Variants in NPHS2 observed in about 807,000 individuals in gnomAD.
NPHS2 encodes podocin.
In NPHS2, 36 loss-of-function variants were observed where a neutral mutation model predicts 37.1. The observed-to-expected ratio is 0.97, with a 90% CI of 0.74 to 1.28. The LOEUF is 1.28. Ranked by LOEUF, NPHS2 falls within the 50% of genes most tolerant of loss-of-function variation. The pLI is 0.00. For missense variants in NPHS2, 447 were observed against 488.1 expected (o/e 0.92, Z 0.79); for synonymous variants, 196 against 189.3 (o/e 1.04, Z -0.29).
intron 1 of NPHS2, among the ~76,000 whole-genome samples, chr1:179,573,438 C>T (rs1225214864): frequency 2.0e-5 from 3 of 152,180 alleles, no homozygotes; most frequent in African/African-American, 7.2e-5. Context: ...TCCCAGTGCT[C>T]TTCAGGACAT....
rs375277563 is a variant in NPHS2 at position 179,551,161 on chromosome 1, G to T, written c.*12C>A. 3 of 1,613,530 alleles carry T rather than the reference G, an allele frequency of 1.9e-6. No homozygotes were observed. The highest frequency in any genetic ancestry group is 2.5e-6 in the Non-Finnish European group (3 of 1,179,960). On this transcript the variant is annotated 3_prime_UTR_variant, in exon 8 of 8. Transcript: ENST00000367615. The stretch of plus-strand genomic sequence containing the variant: ...GCAGGCCCCTTTACAGTCACATTAT[G>T]CCCCATCCTTCCTATAACATGGGAG...
At position 179,551,116 on chromosome 1, in the gene NPHS2, A is replaced by G; in HGVS notation, c.*57T>C. ...GGAATGAGGACAGAGTGTCTCCCTC[A>G]GGCATGTGACTTTTCTATGGCAGGC... On this transcript the variant is annotated 3_prime_UTR_variant, in exon 8 of 8. Coordinates refer to ENST00000367615, the MANE Select transcript of NPHS2 (RefSeq NM_014625.4). The G allele has an allele frequency of 6.2e-7, 1 of 1,606,472 alleles. No homozygotes were observed. Among genetic ancestry groups the G allele is most frequent in the East Asian group, 2.2e-5 (1 of 44,822 alleles).
chr1:179,566,412 G>C (rs1433192052), intron 1 of NPHS2, among the ~76,000 whole-genome samples: 2 of 139,906 alleles, frequency 1.4e-5, no homozygotes, highest in African/African-American at 5.5e-5. Context: ...TTTTGATGGG[G>C]TTGTTTTTTT....
chr1:179,558,533 G>A (rs1204798740), intron 4 of NPHS2, among the ~76,000 whole-genome samples: 1 of 152,248 alleles, frequency 6.6e-6, no homozygotes. Flanking sequence ...GAATAATGCT[G>A]TTATGAACAC....
chr1:179,575,693 G>T lies in NPHS2; in HGVS notation c.172C>A (p.Arg58=), dbSNP rs780396665. The T allele has an allele frequency of 6.3e-7, 1 of 1,588,418 alleles. No homozygotes were observed. The highest frequency in any genetic ancestry group is 1.7e-5 in the Admixed American group (1 of 57,674). ...TCCACCACCGTGGCGGCGGGCGCTC[G>T]GGGCTCCCCCGGGGTCCCCGCCCGT... ...SGRAGTPGEP[R]APAATVVDVD... is the part of the protein sequence containing the mutation. The change falls in exon 1 of 8, where the codon CGA becomes AGA. Residue 58 remains arginine (R), a synonymous_variant. Transcript: ENST00000367615.
chr1:179,571,930 C>T (rs1358356367), intron 1 of NPHS2, among the ~76,000 whole-genome samples: 1 of 152,126 alleles, frequency 6.6e-6, no homozygotes, highest in Non-Finnish European at 1.5e-5. Flanking sequence ...GGGAAAAGCA[C>T]AGTATTTGGG....
rs749236659 is a variant in NPHS2 at position 179,551,335 on chromosome 1, C to T, written c.990G>A (p.Leu330=). The T allele has an allele frequency of 3.1e-6, 5 of 1,614,114 alleles. No individual in the cohort carries two copies. The Admixed American group carries it at 8.3e-5, about 27-fold the overall frequency. The part of the protein sequence containing the change: ...QLRYLHTLQS[L]STEKPSTVVL... The stretch of plus-strand genomic sequence containing the variant: ...CCACAGTGGAAGGCTTCTCTGTGGA[C>T]AGAGACTGAAGGGTGTGGAGGTATC... The change falls in exon 8 of 8, where the codon CTG becomes CTA. Residue 330 remains leucine, a synonymous_variant. Transcript: ENST00000367615.
At chr1:179,552,731 G>T (rs1312439413) in intron 6 of NPHS2, 50 bp from the exon 7 acceptor site, 2 of 1,427,174 alleles carry the variant, frequency 1.4e-6, no homozygotes, top group East Asian at 2.3e-5. Flanking sequence ...TGATTTAGGG[G>T]CCAAAGCTTT....
At chr1:179,561,218 A>C in intron 3 of NPHS2, 71 bp downstream of exon 3, 1 of 1,064,782 alleles carries the variant, frequency 9.4e-7, no homozygotes, top group Non-Finnish European at 1.5e-6. Flanking sequence ...TCCATATTAC[A>C]AATCTGCATG....
intron 1 of NPHS2, among the ~76,000 whole-genome samples, chr1:179,565,416 GT>G (rs1674298038): frequency 6.6e-6 from 1 of 152,144 alleles, no homozygotes; most frequent in Non-Finnish European, 1.5e-5. Context: ...TCACGCCTCA[GT>G]TTCTTCACTA....
At chr1:179,573,243 TGAAGAA>T (rs1674629640) in intron 1 of NPHS2, among the ~76,000 whole-genome samples, 1 of 152,176 alleles carries the variant, frequency 6.6e-6, no homozygotes, top group Admixed American at 6.5e-5. Context: ...GCAGATCACT[TGAAGAA>T]GAGGACAGAG....
intron 7 of NPHS2, 35 bp from the exon 8 acceptor site, chr1:179,551,486 C>A: frequency 1.2e-6 from 2 of 1,611,552 alleles, no homozygotes; most frequent in South Asian, 2.2e-5. Flanking sequence ...AGTGATTGTT[C>A]TTCATTCCCT....
intron 1 of NPHS2, among the ~76,000 whole-genome samples, chr1:179,572,704 G>A (rs1020277163): frequency 1.3e-5 from 2 of 152,130 alleles, no homozygotes; most frequent in South Asian, 4.2e-4. Flanking sequence ...AGGACTAGAA[G>A]GTGACTAAAA....
chr1:179,551,447 A>G lies in NPHS2; in HGVS notation c.878T>C (p.Ile293Thr). 1 of 1,613,136 alleles carries G rather than the reference A, an allele frequency of 6.2e-7. No homozygotes were observed. The highest frequency in any genetic ancestry group is 1.7e-5 in the Admixed American group (1 of 60,012). The change falls in exon 8 of 8, where the codon ATT (isoleucine) becomes ACT (threonine). Residue 293 changes from isoleucine (I) to threonine (T), a missense_variant. Physicochemically the swap from Ile to Thr is moderately conservative, Grantham distance 89. Transcript: ENST00000367615. ...EAQRQAKVRM[I>T]AAEAEKAASE... ...AGCAGCCTTTTCCGCTTCTGCAGCAATCATCTAGAAAACATGTGACGAAAG... is the reference window on the plus strand; with the variant it reads ...AGCAGCCTTTTCCGCTTCTGCAGCAGTCATCTAGAAAACATGTGACGAAAG...
chr1:179,553,443 T>C (rs936915374), intron 6 of NPHS2, among the ~76,000 whole-genome samples: 1 of 152,244 alleles, frequency 6.6e-6, no homozygotes, highest in African/African-American at 2.4e-5. Context: ...GAAGTACTGA[T>C]TCATGCTCAA....
chr1:179,572,676 A>G (rs1674607672), intron 1 of NPHS2, among the ~76,000 whole-genome samples: 1 of 152,216 alleles, frequency 6.6e-6, no homozygotes, highest in Admixed American at 6.5e-5. Flanking sequence ...ATTATTTGCC[A>G]GTTTAAAAAG....
chr1:179,555,226 A>G (rs902561063), intron 5 of NPHS2, among the ~76,000 whole-genome samples: 6 of 152,262 alleles, frequency 3.9e-5, no homozygotes, highest in African/African-American at 1.4e-4. Context: ...CAGAAGTAAT[A>G]GGAACTAATA....
chr1:179,554,234 A>C (rs1673737933), intron 6 of NPHS2, among the ~76,000 whole-genome samples: 1 of 152,174 alleles, frequency 6.6e-6, no homozygotes. Context: ...AATTTCATGT[A>C]AATTTTATCT....
chr1:179,573,267 C>G (rs1187793861), intron 1 of NPHS2, among the ~76,000 whole-genome samples: 1 of 152,180 alleles, frequency 6.6e-6, no homozygotes, highest in Non-Finnish European at 1.5e-5. Flanking sequence ...GAGATGCAAG[C>G]TGCACCAGCA....
Sources: gnomAD v4.1 joint callset for allele counts (sites outside exome capture counted in the v4.1 genomes callset) on GRCh38, gnomAD v4.1.1 for gene constraint, MANE v1.5 for transcripts, NCBI Gene and HGNC (gene_info 2026-07-23, HGNC 2026-07-21) for gene names.